PRMT1: variants seen among roughly 807,000 people sequenced by gnomAD.
PRMT1 encodes the protein protein arginine methyltransferase 1.
PRMT1 carries 5 observed loss-of-function variants against 47.4 expected under a neutral mutation model. That is an observed-to-expected ratio of 0.11 (90% CI 0.06 to 0.22). PRMT1 has a LOEUF of 0.22. Among genes scored for constraint, PRMT1 ranks in the 10% least tolerant of loss-of-function variants. The pLI is 1.00. For missense variants in PRMT1, 249 were observed against 518.4 expected (o/e 0.48, Z 5.05); for synonymous variants, 227 against 204.6 (o/e 1.11, Z -0.94).
In PRMT1 at chr19:49,680,678, G is replaced by A. The variant is rs2082103838; in HGVS notation, c.192+90G>A. ...ACCTGTTTTCCCACGCATGCGCACT[G>A]CTTCCCCTGGCCGCAGGCCGCCCCC... On this transcript the variant is annotated intron_variant, in intron 3 of 10. Transcript: ENST00000454376. This position sits in a 1 kb window ranked among gnomAD's most constrained non-coding sequence, Gnocchi z 4.2. 4.7e-6 allele frequency: 5 copies of A among 1,054,232 alleles called. No homozygotes were observed. The highest frequency in any genetic ancestry group is 2.5e-5 in the East Asian group (1 of 40,294). The allele number at this position is 1,054,232 out of a possible 1,614,324, so 65.3% of individuals were successfully genotyped here.
chr19:49,685,064 C>A lies in PRMT1; in HGVS notation c.759+27C>A. 6.2e-7 allele frequency: 1 copy of A among 1,614,008 alleles called. No individual in the cohort carries two copies. Among genetic ancestry groups the A allele is most frequent in the Non-Finnish European group, 8.5e-7 (1 of 1,179,934 alleles). ...TGAGGGGGTGGGCATGGCCAGGTGC[C>A]CCCTGGGTTGAAACCAAAGAGAGGC... On this transcript the variant is annotated intron_variant, in intron 8 of 10. Coordinates refer to ENST00000454376, the MANE Select transcript of PRMT1 (RefSeq NM_001536.6). The surrounding 1 kb of genome is among the most constrained non-coding windows in gnomAD (Gnocchi z 4.7).
rs893532347 is a variant in PRMT1, at chr19:49,680,259, G to A, written c.91-228G>A. On this transcript the variant is annotated intron_variant, in intron 2 of 10. Transcript: ENST00000454376. This position sits in a 1 kb window ranked among gnomAD's most constrained non-coding sequence, Gnocchi z 4.2. ...AGATGGTAGGCGTGGCTGAGGTATC[G>A]GGGTGCTCCCCTGGATGGTGCTCTG... 6 of 1,555,660 alleles carry A rather than the reference G, an allele frequency of 3.9e-6. No individual in the cohort carries two copies. Among genetic ancestry groups the A allele is most frequent in the South Asian group, 1.1e-5 (1 of 88,970 alleles).
upstream of PRMT1, chr19:49,676,988 G>A (rs1056962390): frequency 2.9e-6 from 1 of 348,764 alleles, no homozygotes; most frequent in Non-Finnish European, 5.1e-6. Context: ...GGTGGATTTT[G>A]CCCAATCACC....
At chr19:49,687,526 G>C (rs936532195) in intron 10 of PRMT1, among the ~76,000 whole-genome samples, 1 of 138,048 alleles carries the variant, frequency 7.2e-6, no homozygotes, top group Non-Finnish European at 1.7e-5. Flanking sequence ...CCCCCCCCAG[G>C]ACGTTTGCCA....
chr19:49,685,256 C>T lies in PRMT1; in HGVS notation c.759+219C>T, dbSNP rs2082187921. 2.7e-6 allele frequency: 4 copies of T among 1,471,318 alleles called. No individual in the cohort carries two copies. The highest frequency in any genetic ancestry group is 3.6e-6 in the Non-Finnish European group (4 of 1,111,054). 91.1% of individuals were successfully genotyped at this position (1,471,318 alleles called of 1,614,324 possible). On this transcript the variant is annotated intron_variant, in intron 8 of 10. Transcript: ENST00000454376. The surrounding 1 kb of genome is among the most constrained non-coding windows in gnomAD (Gnocchi z 4.7). ...GAGAACCATGCTTGGCACTTGGCTT[C>T]TGGCGGAGGAAACACCCAAAGCTGG...
At chr19:49,679,628 C>G (rs553445758) in intron 1 of PRMT1, 1 of 695,972 alleles carries the variant, frequency 1.4e-6, no homozygotes, top group South Asian at 1.5e-5. Context: ...AGAGGGGCAG[C>G]GTGGGGGTGG....
At position 49,686,185 on chromosome 19, in the gene PRMT1, G is replaced by C. The variant is rs142242594; in HGVS notation, c.852G>C (p.Leu284=). Reference sequence around the variant, plus strand: ...AGCGGAATGACTACGTGCACGCCCTGGTGGCCTACTTCAACATCGAGTTCA... The same window carrying C: ...AGCGGAATGACTACGTGCACGCCCTCGTGGCCTACTTCAACATCGAGTTCA... ...QVKRNDYVHA[L]VAYFNIEFTR... Residue 284 remains leucine, a synonymous_variant, in exon 9 of 11, where the codon CTG becomes CTC. Coordinates refer to ENST00000454376, the MANE Select transcript of PRMT1 (RefSeq NM_001536.6). 129 of 1,613,792 alleles carry C rather than the reference G, an allele frequency of 8.0e-5. No homozygotes were observed. The African/African-American group carries it at 8.7e-4, about 11-fold the overall frequency.
chr19:49,685,754 G>T lies in PRMT1; in HGVS notation c.760-339G>T. 1.8e-6 allele frequency: 2 copies of T among 1,102,394 alleles called. No homozygotes were observed. Among genetic ancestry groups the T allele is most frequent in the Non-Finnish European group, 1.1e-6 (1 of 902,594 alleles). The allele number at this position is 1,102,394 out of a possible 1,614,324, so 68.3% of individuals were successfully genotyped here. On this transcript the variant is annotated intron_variant, in intron 8 of 10. Transcript: ENST00000454376. This position sits in a 1 kb window ranked among gnomAD's most constrained non-coding sequence, Gnocchi z 4.7. ...GGTTTAGGTTGGCATTTGTGTTGCC[G>T]TTTGAAGCCATCATGTTGTTGGACT...
chr19:49,686,128 G>A lies in PRMT1; in HGVS notation c.795G>A (p.Leu265=), dbSNP rs1218960736. ...VDIYTVKVED[L]TFTSPFCLQV... is the part of the protein sequence containing the mutation. Reference sequence around the variant, plus strand: ...TCTATACCGTCAAGGTGGAAGACCTGACCTTCACCTCCCCGTTCTGCCTGC... The same window carrying A: ...TCTATACCGTCAAGGTGGAAGACCTAACCTTCACCTCCCCGTTCTGCCTGC... Residue 265 remains leucine (L), a synonymous_variant, in exon 9 of 11, where the codon CTG becomes CTA. Coordinates refer to ENST00000454376, the MANE Select transcript of PRMT1 (RefSeq NM_001536.6). The A allele has an allele frequency of 6.2e-7, 1 of 1,613,952 alleles. No homozygotes were observed. The highest frequency in any genetic ancestry group is 8.5e-7 in the Non-Finnish European group (1 of 1,179,968).
In PRMT1 at chr19:49,686,527, C is replaced by T. The variant is rs1370445698; in HGVS notation, c.911-78C>T. On this transcript the variant is annotated intron_variant, in intron 9 of 10. Coordinates refer to ENST00000454376, the MANE Select transcript of PRMT1 (RefSeq NM_001536.6). ...TCCCATCAGCTGTCATGGGGGTGGGCATTCCGACAGAGGGAACGCAAGGGT... is the reference window on the plus strand; with the variant it reads ...TCCCATCAGCTGTCATGGGGGTGGGTATTCCGACAGAGGGAACGCAAGGGT... 3.1e-6 allele frequency: 4 copies of T among 1,270,314 alleles called. No individual in the cohort carries two copies. The African/African-American group carries it at 6.4e-5, about 20-fold the overall frequency. The allele number at this position is 1,270,314 out of a possible 1,614,324, so 78.7% of individuals were successfully genotyped here.
rs138647163 is a variant in PRMT1, at chr19:49,680,245, G to A, written c.91-242G>A. ...CAGAGAGACTGGAGAGATGGTAGGC[G>A]TGGCTGAGGTATCGGGGTGCTCCCC... On this transcript the variant is annotated intron_variant, in intron 2 of 10. Transcript: ENST00000454376. This position sits in a 1 kb window ranked among gnomAD's most constrained non-coding sequence, Gnocchi z 4.2. 3.1e-4 allele frequency: 491 copies of A among 1,581,626 alleles called. 2 individuals are homozygous for A. In the African/African-American group the frequency reaches 5.8e-3, roughly 19 times the overall value.
chr19:49,678,028 G>A (rs1046480056), intron 1 of PRMT1, among the ~76,000 whole-genome samples: 2 of 152,098 alleles, frequency 1.3e-5, no homozygotes, highest in Non-Finnish European at 1.5e-5. Flanking sequence ...CCTCTGGGTG[G>A]TGGTGGGGCA....
rs766153262 is a variant in PRMT1, at chr19:49,684,989, G to C, written c.711G>C (p.Val237=). The change falls in exon 8 of 11, where the codon GTG becomes GTC. Residue 237 remains valine (V), a synonymous_variant. Transcript: ENST00000454376. The surrounding 1 kb of genome is among the most constrained non-coding windows in gnomAD (Gnocchi z 6.2). ...IKDVAIKEPL[V]DVVDPKQLVT... ...ATGTGGCCATTAAGGAGCCCCTAGTGGATGTCGTGGACCCCAAACAGCTGG... is the reference window on the plus strand; with the variant it reads ...ATGTGGCCATTAAGGAGCCCCTAGTCGATGTCGTGGACCCCAAACAGCTGG... The C allele has an allele frequency of 1.1e-5, 17 of 1,611,704 alleles. No homozygotes were observed. The highest frequency in any genetic ancestry group is 1.4e-5 in the Non-Finnish European group (17 of 1,178,460).
In PRMT1 at chr19:49,680,136, C is replaced by A; in HGVS notation, c.90+211C>A. 1 of 1,319,390 alleles carries A rather than the reference C, an allele frequency of 7.6e-7. No homozygotes were observed. Among genetic ancestry groups the A allele is most frequent in the Non-Finnish European group, 1.1e-6 (1 of 934,280 alleles). The allele number at this position is 1,319,390 out of a possible 1,614,324, so 81.7% of individuals were successfully genotyped here. On this transcript the variant is annotated intron_variant, in intron 2 of 10. Coordinates refer to ENST00000454376, the MANE Select transcript of PRMT1 (RefSeq NM_001536.6). This position sits in a 1 kb window ranked among gnomAD's most constrained non-coding sequence, Gnocchi z 4.2. ...GCCGCTACTTCCTTAACTCCACCTC[C>A]AACCCCCCTTTGCCCTTCCCTGTGT... is the stretch of plus-strand genomic sequence containing the variant.
rs1452364986 is a variant in PRMT1 at position 49,688,074 on chromosome 19, C to G, written c.1033-88C>G. The G allele has an allele frequency of 1.7e-6, 2 of 1,164,412 alleles. No homozygotes were observed. Among genetic ancestry groups the G allele is most frequent in the Non-Finnish European group, 2.6e-6 (2 of 771,094 alleles). The allele number at this position is 1,164,412 out of a possible 1,614,324, so 72.1% of individuals were successfully genotyped here. On this transcript the variant is annotated intron_variant, in intron 10 of 10. Transcript: ENST00000454376. The surrounding 1 kb of genome is among the most constrained non-coding windows in gnomAD (Gnocchi z 5.3). ...TGGAGATGGGCAGGAAGCTGGAGCC[C>G]GGCTCATCGTCGCATAGCCTGCCTG...
chr19:49,683,412 G>T (rs1300573517), intron 5 of PRMT1, among the ~76,000 whole-genome samples: 2 of 151,816 alleles, frequency 1.3e-5, no homozygotes, highest in African/African-American at 2.4e-5. Flanking sequence ...ATCGCGGCCG[G>T]GCACAGTGGC....
At chr19:49,682,499 G>A (rs982958277) in intron 5 of PRMT1, among the ~76,000 whole-genome samples, 4 of 152,196 alleles carry the variant, frequency 2.6e-5, no homozygotes, top group Non-Finnish European at 5.9e-5. Flanking sequence ...ATAGAGTCAC[G>A]TGGTTGGCCA....
Position 49,685,518 on chromosome 19 carries a change from G to GTT in PRMT1, c.759+489_759+490dup. The GTT allele has an allele frequency of 1.0e-6, 1 of 989,138 alleles. No homozygotes were observed. The highest frequency in any genetic ancestry group is 4.0e-5 in the South Asian group (1 of 24,976). 61.3% of individuals were successfully genotyped at this position (989,138 alleles called of 1,614,324 possible). ...ATGTTTTGTTTTGTTTTTTCCTTTT[G>GTT]TTTTTTTTTACTTCTGAGACCCTGT... On this transcript the variant is annotated intron_variant, in intron 8 of 10. Transcript: ENST00000454376. This position sits in a 1 kb window ranked among gnomAD's most constrained non-coding sequence, Gnocchi z 4.7.
Position 49,685,475 on chromosome 19 carries a change from A to C in PRMT1, c.759+438A>C, listed in dbSNP as rs1361582863. 2.6e-5 allele frequency: 27 copies of C among 1,048,198 alleles called. No homozygotes were observed. The highest frequency in any genetic ancestry group is 3.1e-5 in the Non-Finnish European group (27 of 867,930). 64.9% of individuals were successfully genotyped at this position (1,048,198 alleles called of 1,614,324 possible). ...CAGTGAGCTGTGATCACATCACTGCACTCCAGCTTTGGTGACAATGTTTTG... is the reference window on the plus strand; with the variant it reads ...CAGTGAGCTGTGATCACATCACTGCCCTCCAGCTTTGGTGACAATGTTTTG... On this transcript the variant is annotated intron_variant, in intron 8 of 10. Coordinates refer to ENST00000454376, the MANE Select transcript of PRMT1 (RefSeq NM_001536.6). This position sits in a 1 kb window ranked among gnomAD's most constrained non-coding sequence, Gnocchi z 4.7.
Sources: allele counts gnomAD v4.1 joint callset (sites outside exome capture counted in the v4.1 genomes callset), GRCh38; gene constraint gnomAD v4.1.1; non-coding constraint Gnocchi (gnomAD v3.1); transcripts MANE v1.5; gene names NCBI Gene and HGNC (gene_info 2026-07-23, HGNC 2026-07-21).